PARD3: variants seen among roughly 807,000 people sequenced by gnomAD.
The protein encoded by PARD3 is par-3 family cell polarity regulator.
Under a neutral mutation model 155.4 loss-of-function variants are expected in PARD3, and 75 were observed. The observed-to-expected ratio is 0.48, with a 90% CI of 0.40 to 0.58. The LOEUF is 0.58. PARD3 is among the 20% of genes least tolerant of loss of function. The probability of loss-of-function intolerance (pLI) is 0.00; values close to 1 mark genes in which losing one functional copy is unlikely to be tolerated. For missense variants in PARD3, 1,642 were observed against 1,721.7 expected (o/e 0.95, Z 0.82); for synonymous variants, 576 against 610.5 (o/e 0.94, Z 0.83).
chr10:34,470,152 C>A lies in PARD3; in HGVS notation c.515G>T (p.Arg172Leu). ...GAGGAAGCCAGCTGTTGTTGACCAG[C>A]GTGTGGGATTTTTCCTTGAAGGCTC... Reference protein sequence around the residue: ...SEEPSRKNPTRWSTTAGFLKQ... With the variant: ...SEEPSRKNPTLWSTTAGFLKQ... Residue 172 changes from arginine to leucine, a missense_variant, in exon 4 of 25, where the codon CGC becomes CTC. Transcript: ENST00000374788. 6.2e-7 allele frequency: 1 copy of A among 1,613,298 alleles called. No individual in the cohort carries two copies. The highest frequency in any genetic ancestry group is 8.5e-7 in the Non-Finnish European group (1 of 1,179,720).
intron 2 of PARD3, among the ~76,000 whole-genome samples, chr10:34,524,222 G>A (rs930343527): frequency 3.3e-5 from 5 of 152,200 alleles, no homozygotes; most frequent in South Asian, 2.1e-4. Flanking sequence ...GAACATTCCC[G>A]CTGCTTCCTG....
chr10:34,147,245 CTT>C (rs1948558654), intron 22 of PARD3, among the ~76,000 whole-genome samples: 1 of 152,152 alleles, frequency 6.6e-6, no homozygotes, highest in East Asian at 1.9e-4. Context: ...GTATCTACCT[CTT>C]GTTTCTAAAA....
intron 2 of PARD3, among the ~76,000 whole-genome samples, chr10:34,550,982 A>ATT (rs1223911298): frequency 3.3e-5 from 5 of 152,210 alleles, no homozygotes; most frequent in African/African-American, 1.2e-4. Context: ...TTTTAATGCC[A>ATT]TAAGTAGTAG....
chr10:34,639,291 G>C (rs2092588701), intron 2 of PARD3, among the ~76,000 whole-genome samples: 1 of 152,096 alleles, frequency 6.6e-6, no homozygotes, highest in African/African-American at 2.4e-5. Context: ...AGCTACTCGG[G>C]AGGCTGAGGT....
At chr10:34,412,935 A>G (rs1159608209) in intron 5 of PARD3, among the ~76,000 whole-genome samples, 1 of 152,192 alleles carries the variant, frequency 6.6e-6, no homozygotes, top group Non-Finnish European at 1.5e-5. Context: ...TTCATTTACA[A>G]AAATAAAAGA....
chr10:34,701,333 A>ATGATGATGT (rs1554815382), intron 1 of PARD3, among the ~76,000 whole-genome samples: 3 of 149,862 alleles, frequency 2.0e-5, no homozygotes, highest in Non-Finnish European at 3.0e-5. Flanking sequence ...ACACGCGGGG[A>ATGATGATGT]TGTTGTTGTT....
intron 14 of PARD3, among the ~76,000 whole-genome samples, chr10:34,355,619 C>A (rs1838713263): frequency 6.6e-6 from 1 of 151,966 alleles, no homozygotes; most frequent in Non-Finnish European, 1.5e-5. Flanking sequence ...AGCTAGGGAG[C>A]AAGAGCAGAG....
chr10:34,378,199 T>C, intron 9 of PARD3, 93 bp from the exon 10 acceptor site: 3 of 907,744 alleles, frequency 3.3e-6, no homozygotes, highest in Non-Finnish European at 5.0e-6. Flanking sequence ...CAACTTGACA[T>C]TTTGTAACTT....
intron 22 of PARD3, among the ~76,000 whole-genome samples, chr10:34,210,598 T>C (rs577944876): frequency 1.3e-4 from 20 of 152,218 alleles, no homozygotes; most frequent in African/African-American, 2.6e-4. Context: ...CTGATTGACA[T>C]AGTAGATATT....
chr10:34,326,620 A>C (rs1589188887), intron 19 of PARD3, among the ~76,000 whole-genome samples: 1 of 152,238 alleles, frequency 6.6e-6, no homozygotes, highest in East Asian at 1.9e-4. Flanking sequence ...AAGTGGGTAG[A>C]ATACTGAGAG....
Position 34,591,138 on chromosome 10 carries a change from C to T in PARD3, c.223-73979G>A, listed in dbSNP as rs183845722. On this transcript the variant is annotated intron_variant, in intron 2 of 24. Coordinates refer to ENST00000374788, the MANE Select transcript of PARD3 (RefSeq NM_001184785.2). ...CGAAGACCAGCTTGTTCCCAGACCC[C>T]CCATCACCCCCTCCCCATCCCACTC... Among the ~76,000 whole-genome samples the T allele has an allele frequency of 2.4e-3, 368 of 152,188 alleles. 1 individual carries two copies. Among genetic ancestry groups the T allele is most frequent in the Middle Eastern group, 6.8e-3 (2 of 294 alleles).
intron 2 of PARD3, chr10:34,675,937 A>C (rs140990295): frequency 1.2e-3 from 203 of 166,220 alleles, no homozygotes; most frequent in Middle Eastern, 3.3e-3. Context: ...CGGCTCCGCG[A>C]ATCTCATGTG....
At chr10:34,525,357 G>GGCTTTAA in intron 2 of PARD3, among the ~76,000 whole-genome samples, 1 of 152,228 alleles carries the variant, frequency 6.6e-6, no homozygotes, top group East Asian at 1.9e-4. Flanking sequence ...ACTAGCGAAT[G>GGCTTTAA]TTCCTACTGG....
At chr10:34,114,117 C>T (rs922688338) in intron 24 of PARD3, among the ~76,000 whole-genome samples, 11 of 151,918 alleles carry the variant, frequency 7.2e-5, no homozygotes, top group Admixed American at 7.2e-4. Flanking sequence ...AAAAAATTAG[C>T]CAGGTGTGGT....
At chr10:34,579,073 C>T (rs1033683653) in intron 2 of PARD3, among the ~76,000 whole-genome samples, 2 of 152,192 alleles carry the variant, frequency 1.3e-5, no homozygotes, top group African/African-American at 4.8e-5. Flanking sequence ...AGTTCAAGAC[C>T]AGCCTGTCCA....
At chr10:34,508,507 T>C (rs1368631200) in intron 3 of PARD3, among the ~76,000 whole-genome samples, 1 of 151,926 alleles carries the variant, frequency 6.6e-6, no homozygotes, top group Non-Finnish European at 1.5e-5. Context: ...TACCCTCAAA[T>C]ATCTGACTTC....
chr10:34,257,246 C>T lies in PARD3; in HGVS notation c.3419+12411G>A, dbSNP rs114402564. Among the ~76,000 whole-genome samples the T allele has an allele frequency of 3.0e-3, 451 of 152,280 alleles. 2 individuals carry two copies. The highest frequency in any genetic ancestry group is 0.01 in the African/African-American group (426 of 41,564). On this transcript the variant is annotated intron_variant, in intron 22 of 24. Transcript: ENST00000374788. ...GTTGAAAATGCATCTCACAATGGGACTCCACATAAATCCTCATGAATTTTT... is the reference window on the plus strand; with the variant it reads ...GTTGAAAATGCATCTCACAATGGGATTCCACATAAATCCTCATGAATTTTT...
chr10:34,363,143 A>C (rs1839615767), intron 12 of PARD3, among the ~76,000 whole-genome samples: 1 of 152,214 alleles, frequency 6.6e-6, no homozygotes, highest in Non-Finnish European at 1.5e-5. Flanking sequence ...TTCAGTGTTT[A>C]CTGAGTTTTA....
rs1293666211 is a variant in PARD3 at position 34,378,049 on chromosome 10, G to A, written c.1457C>T (p.Ala486Val). ...TSRDVTIGGS[A>V]PIYVKNILPR... ...GAGAATGTTTTTCACATAGATTGGAGCTGAGCCACCTATTGTTACATCTCT... is the reference window on the plus strand; with the variant it reads ...GAGAATGTTTTTCACATAGATTGGAACTGAGCCACCTATTGTTACATCTCT... Residue 486 changes from alanine (A) to valine (V), a missense_variant, in exon 10 of 25, where the codon GCT becomes GTT. Ala to Val is a moderately conservative substitution (Grantham distance 64). This residue lies in a region of PARD3 where 1,529 missense variants were observed against 1,587.3 expected (regional missense o/e 0.96). Coordinates refer to ENST00000374788, the MANE Select transcript of PARD3 (RefSeq NM_001184785.2). The A allele has an allele frequency of 1.3e-6, 2 of 1,596,928 alleles. No individual in the cohort carries two copies. The highest frequency in any genetic ancestry group is 2.3e-5 in the East Asian group (1 of 43,046).
Sources: gnomAD v4.1 joint callset for allele counts (sites outside exome capture counted in the v4.1 genomes callset) on GRCh38, gnomAD v4.1.1 for gene constraint, gnomAD v4.1.1 regional missense constraint, MANE v1.5 for transcripts, NCBI Gene and HGNC (gene_info 2026-07-23, HGNC 2026-07-21) for gene names.